AHCYL2: variants seen among roughly 807,000 people sequenced by gnomAD.
The protein encoded by AHCYL2 is S-adenosylhomocysteine hydrolase-like protein 2.
A neutral mutation model predicts 81.4 loss-of-function variants in AHCYL2; 28 were observed. The observed-to-expected ratio is 0.34, with a 90% CI of 0.25 to 0.47. The LOEUF is 0.47. Ranked by LOEUF, AHCYL2 falls within the 20% of genes least tolerant of loss-of-function variation. AHCYL2 has a pLI of 1.00. For synonymous variants in AHCYL2, 272 were observed against 290.2 expected, an observed-to-expected ratio of 0.94 and a Z score of 0.64; for missense variants, 551 against 785.1, an observed-to-expected ratio of 0.70 and a Z score of 3.56.
chr7:129,329,356 T>A (rs941797252), intron 1 of AHCYL2, among the ~76,000 whole-genome samples: 3 of 152,136 alleles, frequency 2.0e-5, no homozygotes, highest in African/African-American at 7.2e-5. Context: ...AATTTTTTTT[T>A]ATTTTTTGTA....
intron 1 of AHCYL2, among the ~76,000 whole-genome samples, chr7:129,336,591 A>G (rs551404592): frequency 6.6e-6 from 1 of 152,204 alleles, no homozygotes; most frequent in Non-Finnish European, 1.5e-5. Context: ...GGCAGGAAGT[A>G]TAGAAGTTGA....
intron 4 of AHCYL2, among the ~76,000 whole-genome samples, chr7:129,393,282 G>A (rs572104127): frequency 1.3e-5 from 2 of 152,172 alleles, no homozygotes; most frequent in Non-Finnish European, 1.5e-5. Context: ...GCCAGGTGTG[G>A]TGGCATGTGC....
Position 129,405,837 on chromosome 7 carries a change from C to T in AHCYL2, c.1144C>T (p.Leu382Phe), listed in dbSNP as rs1796280016. Residue 382 changes from leucine (L) to phenylalanine (F), a missense_variant and splice_region_variant, in exon 9 of 17, where the codon CTT (leucine) becomes TTT (phenylalanine). This residue lies in a region of AHCYL2 where 316 missense variants were observed against 543.1 expected (regional missense o/e 0.58). Coordinates refer to ENST00000325006, the MANE Select transcript of AHCYL2 (RefSeq NM_015328.4). Reference sequence around the variant, plus strand: ...ATTTAATGTTTTTTTTTCCCCTAGACTTAAAAGGACAACAGACATGATGTT... The same window carrying T: ...ATTTAATGTTTTTTTTTCCCCTAGATTTAAAAGGACAACAGACATGATGTT... ...YCCRESILDGLKRTTDMMFGG... is the reference protein window; with the variant it reads ...YCCRESILDGFKRTTDMMFGG... 2 of 1,608,898 alleles carry T rather than the reference C, an allele frequency of 1.2e-6. No homozygotes were observed. The highest frequency in any genetic ancestry group is 1.3e-5 in the African/African-American group (1 of 74,750).
intron 1 of AHCYL2, among the ~76,000 whole-genome samples, chr7:129,254,776 CT>C (rs1934238704): frequency 6.6e-6 from 1 of 152,114 alleles, no homozygotes; most frequent in South Asian, 2.1e-4. Flanking sequence ...CTGAAGGCAC[CT>C]TTATAGCTAC....
chr7:129,293,619 C>T (rs1305731635), intron 1 of AHCYL2, among the ~76,000 whole-genome samples: 3 of 152,070 alleles, frequency 2.0e-5, no homozygotes, highest in Admixed American at 6.6e-5. Flanking sequence ...AGAGTGAACC[C>T]TTGCCTCAAA....
intron 1 of AHCYL2, among the ~76,000 whole-genome samples, chr7:129,314,061 C>T (rs1480837163): frequency 1.3e-5 from 2 of 152,130 alleles, no homozygotes; most frequent in Admixed American, 1.3e-4. Context: ...TTCAAAGACC[C>T]AGAGTCATGA....
intron 8 of AHCYL2, 37 bp downstream of exon 8, chr7:129,405,250 C>T (rs768162103): frequency 3.4e-6 from 5 of 1,481,394 alleles, no homozygotes; most frequent in African/African-American, 2.9e-5. Context: ...GTTGTGATGT[C>T]CAGTTGAGAT....
intron 1 of AHCYL2, among the ~76,000 whole-genome samples, chr7:129,289,264 A>G (rs1018282666): frequency 6.6e-6 from 1 of 151,642 alleles, no homozygotes; most frequent in Non-Finnish European, 1.5e-5. Flanking sequence ...TAATTTTTAA[A>G]TTTTTTTTGT....
chr7:129,239,807 C>T (rs1489866173), intron 1 of AHCYL2, among the ~76,000 whole-genome samples: 3 of 151,866 alleles, frequency 2.0e-5, no homozygotes, highest in East Asian at 1.9e-4. Context: ...GGGAGAGTTA[C>T]ACACAGACTC....
In AHCYL2 at chr7:129,367,966, G is replaced by A. The variant is rs954023581; in HGVS notation, c.364-11672G>A. Among the ~76,000 whole-genome samples the A allele has an allele frequency of 2.6e-5, 4 of 152,324 alleles. No individual in the cohort carries two copies. The East Asian group carries it at 7.7e-4, about 29-fold the overall frequency. On this transcript the variant is annotated intron_variant, in intron 1 of 16. Transcript: ENST00000325006. The stretch of plus-strand genomic sequence containing the variant: ...AAACTTGAAAGCCCTAGGAGCTCTT[G>A]ATTTCAAGGAAACGCCTGTTTACTG...
intron 1 of AHCYL2, among the ~76,000 whole-genome samples, chr7:129,357,633 A>G (rs1417294437): frequency 3.3e-5 from 5 of 152,194 alleles, no homozygotes; most frequent in African/African-American, 4.8e-5. Context: ...GCCAATAAGC[A>G]TATAAAAATG....
chr7:129,328,467 C>T (rs1320593468), intron 1 of AHCYL2, among the ~76,000 whole-genome samples: 5 of 151,700 alleles, frequency 3.3e-5, no homozygotes, highest in African/African-American at 4.8e-5. Flanking sequence ...TGAGCCACTG[C>T]GCCCTTTTTT....
chr7:129,244,929 G>A (rs1693008921), intron 1 of AHCYL2, among the ~76,000 whole-genome samples: 1 of 151,690 alleles, frequency 6.6e-6, no homozygotes, highest in African/African-American at 2.4e-5. Context: ...TCTTCCTAAT[G>A]TATTCCTTAT....
chr7:129,285,421 C>T (rs1796593442), intron 1 of AHCYL2, among the ~76,000 whole-genome samples: 1 of 152,104 alleles, frequency 6.6e-6, no homozygotes, highest in East Asian at 1.9e-4. Context: ...TCTTTGTGTC[C>T]TGAGATGACC....
At position 129,257,393 on chromosome 7, in the gene AHCYL2, A is replaced by G. The variant is rs116592321; in HGVS notation, c.363+31954A>G. Among the ~76,000 whole-genome samples, 660 of 152,256 alleles carry G rather than the reference A, an allele frequency of 4.3e-3. 9 individuals carry two copies. The highest frequency in any genetic ancestry group is 0.015 in the African/African-American group (627 of 41,542). On this transcript the variant is annotated intron_variant, in intron 1 of 16. Coordinates refer to ENST00000325006, the MANE Select transcript of AHCYL2 (RefSeq NM_015328.4). ...AGACAAGGGAGGAAGTCCTACCTTC[A>G]TATTTCTGACATGGTGACAACTGAT...
At chr7:129,358,401 C>T (rs1051284075) in intron 1 of AHCYL2, among the ~76,000 whole-genome samples, 4 of 138,462 alleles carry the variant, frequency 2.9e-5, no homozygotes, top group African/African-American at 7.9e-5. Context: ...CACACACACA[C>T]AAAAAAAAAA....
At chr7:129,396,414 C>G (rs112536358) in intron 4 of AHCYL2, among the ~76,000 whole-genome samples, 1 of 150,224 alleles carries the variant, frequency 6.7e-6, no homozygotes, top group African/African-American at 2.5e-5. Context: ...CGTGAGCCAC[C>G]GCGCCCCGCC....
intron 1 of AHCYL2, among the ~76,000 whole-genome samples, chr7:129,260,547 C>T (rs1795588878): frequency 6.6e-6 from 1 of 152,142 alleles, no homozygotes; most frequent in Non-Finnish European, 1.5e-5. Context: ...CTATCAGCAT[C>T]ACTTGTAAGA....
At position 129,389,250 on chromosome 7, in the gene AHCYL2, C is replaced by T. The variant is rs373123443; in HGVS notation, c.619+51C>T. 2.2e-5 allele frequency: 36 copies of T among 1,607,166 alleles called. No individual in the cohort carries two copies. In the African/African-American group the frequency reaches 3.2e-4, roughly 14 times the overall value. On this transcript the variant is annotated intron_variant, in intron 3 of 16. Transcript: ENST00000325006. ...TCTTAACCTACCTGTGTCTTTTTGT[C>T]CATATTAATCCCTTTTTATGTCTGG...
Sources: allele counts gnomAD v4.1 joint callset (sites outside exome capture counted in the v4.1 genomes callset), GRCh38; gene constraint gnomAD v4.1.1; regional missense constraint gnomAD v4.1.1; transcripts MANE v1.5; gene names NCBI Gene and HGNC (gene_info 2026-07-23, HGNC 2026-07-21).